BCKDHB: variants seen among roughly 807,000 people sequenced by gnomAD.
BCKDHB encodes 2-oxoisovalerate dehydrogenase subunit beta, mitochondrial.
BCKDHB carries 41 observed loss-of-function variants against 48.5 expected under a neutral mutation model. That is an observed-to-expected ratio of 0.85 (90% CI 0.66 to 1.10). BCKDHB has a LOEUF of 1.10. Among genes scored for constraint, BCKDHB ranks in the 50% least tolerant of loss-of-function variants. The pLI is 0.00. For synonymous variants in BCKDHB, 201 were observed against 174.8 expected (o/e 1.15, Z -1.18); for missense variants, 496 against 494.2 (o/e 1.00, Z -0.03).
intron 7 of BCKDHB, among the ~76,000 whole-genome samples, chr6:80,202,280 G>T (rs1288565197): frequency 6.6e-6 from 1 of 151,962 alleles, no homozygotes; most frequent in Non-Finnish European, 1.5e-5. Flanking sequence ...CCTTCTCCAG[G>T]ACTGTAGTCT....
At chr6:80,426,512 AT>A in the BCKDHB span, among the ~76,000 whole-genome samples, 1 of 152,116 alleles carries the variant, frequency 6.6e-6, no homozygotes, top group African/African-American at 2.4e-5. Flanking sequence ...AAATGTTAAT[AT>A]TATGTATTTT....
chr6:80,425,057 C>T, the BCKDHB span, among the ~76,000 whole-genome samples: 1 of 152,088 alleles, frequency 6.6e-6, no homozygotes, highest in Non-Finnish European at 1.5e-5. Context: ...AAAGACTTTT[C>T]CCAGACTGAA....
chr6:80,352,455 G>A, the BCKDHB span, among the ~76,000 whole-genome samples: 31,193 of 152,050 alleles, frequency 0.21, 3,707 homozygotes, highest in South Asian at 0.37. Flanking sequence ...CTCCATTTCT[G>A]CCACATGCAG....
At chr6:80,461,718 ATTTTCTGT>A in the BCKDHB span, among the ~76,000 whole-genome samples, 23 of 152,146 alleles carry the variant, frequency 1.5e-4, no homozygotes, top group African/African-American at 5.3e-4. Context: ...TCAATGAGCC[ATTTTCTGT>A]TTTTCCTCTG....
chr6:80,201,589 A>T (rs189070196), intron 7 of BCKDHB, among the ~76,000 whole-genome samples: 44 of 152,266 alleles, frequency 2.9e-4, no homozygotes, highest in Admixed American at 4.6e-4. Flanking sequence ...AATCTTTTTC[A>T]TCACATTTCC....
chr6:80,206,282 T>C (rs369488627), intron 8 of BCKDHB, among the ~76,000 whole-genome samples: 1 of 112,358 alleles, frequency 8.9e-6, no homozygotes. Flanking sequence ...ACTTTTACTC[T>C]ATCTGCGCAG....
At chr6:80,182,759 T>C (rs892411988) in intron 6 of BCKDHB, among the ~76,000 whole-genome samples, 2 of 152,186 alleles carry the variant, frequency 1.3e-5, no homozygotes, top group Non-Finnish European at 2.9e-5. Flanking sequence ...GTAACTTGCT[T>C]TGCAAATTAT....
intron 3 of BCKDHB, among the ~76,000 whole-genome samples, chr6:80,166,535 A>G (rs558391505): frequency 6.0e-5 from 9 of 150,754 alleles, no homozygotes; most frequent in Non-Finnish European, 1.0e-4. Flanking sequence ...GGGCGCCTAT[A>G]ATCCCAGCTA....
Position 80,171,354 on chromosome 6 carries a change from A to G in BCKDHB, c.706A>G (p.Ile236Val), listed in dbSNP as rs1582281035. 4 of 1,607,078 alleles carry G rather than the reference A, an allele frequency of 2.5e-6. 1 individual carries two copies. The highest frequency in any genetic ancestry group is 8.5e-7 in the Non-Finnish European group (1 of 1,177,202). The change falls in exon 6 of 10, where the codon ATA becomes GTA. Residue 236 changes from isoleucine (I) to valine (V), a missense_variant. Physicochemically the swap from Ile to Val is conservative, Grantham distance 29. Transcript: ENST00000320393. ...ATGCATAGAGGATAAAAATCCTTGT[A>G]TATTTTTTGAACCTAAAATACTTTA... ...LSCIEDKNPC[I>V]FFEPKILYRA...
chr6:80,447,614 C>T, the BCKDHB span, among the ~76,000 whole-genome samples: 1 of 152,136 alleles, frequency 6.6e-6, no homozygotes, highest in African/African-American at 2.4e-5. Context: ...TCCTGCCTAA[C>T]CCTTTTGTCC....
chr6:80,362,998 A>G, the BCKDHB span, among the ~76,000 whole-genome samples: 63 of 152,272 alleles, frequency 4.1e-4, 2 homozygotes, highest in East Asian at 0.012. Flanking sequence ...TTGTCATACT[A>G]CAATTTTCCA....
At chr6:80,145,012 A>G (rs1771410993) in intron 3 of BCKDHB, among the ~76,000 whole-genome samples, 1 of 152,154 alleles carries the variant, frequency 6.6e-6, no homozygotes, top group East Asian at 1.9e-4. Flanking sequence ...TCTTTCTGAG[A>G]GTTGTACGTA....
chr6:80,176,131 T>A (rs1395072915), intron 6 of BCKDHB, among the ~76,000 whole-genome samples: 2 of 152,186 alleles, frequency 1.3e-5, no homozygotes. Context: ...GTTAGAAATT[T>A]TTTTAGATTA....
At chr6:80,228,042 T>C (rs747572425) in intron 8 of BCKDHB, among the ~76,000 whole-genome samples, 76 of 152,162 alleles carry the variant, frequency 5.0e-4, no homozygotes, top group Admixed American at 1.5e-3. Context: ...AAATAACTTA[T>C]AATAAATAAA....
At chr6:80,114,101 C>T (rs1043982206) in intron 1 of BCKDHB, among the ~76,000 whole-genome samples, 3 of 152,018 alleles carry the variant, frequency 2.0e-5, no homozygotes, top group Admixed American at 2.0e-4. Context: ...GTTACTTGGG[C>T]ATGGGAAGTT....
chr6:80,119,076 G>A (rs751856800), intron 1 of BCKDHB, among the ~76,000 whole-genome samples: 1 of 152,158 alleles, frequency 6.6e-6, no homozygotes, highest in East Asian at 1.9e-4. Flanking sequence ...GATCATCTGA[G>A]CTAAGGAGTT....
At position 80,106,747 on chromosome 6, in the gene BCKDHB, G is replaced by T; in HGVS notation, c.54G>T (p.Gly18=). 1 of 1,570,130 alleles carries T rather than the reference G, an allele frequency of 6.4e-7. No homozygotes were observed. The highest frequency in any genetic ancestry group is 8.6e-7 in the Non-Finnish European group (1 of 1,158,774). The change falls in exon 1 of 10, where the codon GGG becomes GGT. Residue 18 remains glycine, a synonymous_variant. Coordinates refer to ENST00000320393, the MANE Select transcript of BCKDHB (RefSeq NM_183050.4). ...AGWLLRLRAA[G]AEGHWRRLPG... is the part of the protein sequence containing the mutation. The stretch of plus-strand genomic sequence containing the variant: ...GGCTACTCAGGCTCAGGGCGGCAGG[G>T]GCTGAGGGGCACTGGCGTCGGCTTC...
intron 8 of BCKDHB, among the ~76,000 whole-genome samples, chr6:80,257,815 A>AG (rs1366272077): frequency 6.6e-6 from 1 of 152,098 alleles, no homozygotes; most frequent in Non-Finnish European, 1.5e-5. Flanking sequence ...TTGGAGAGGA[A>AG]GGATATATCC....
chr6:80,193,583 G>T (rs942322856), intron 6 of BCKDHB, among the ~76,000 whole-genome samples: 1 of 152,044 alleles, frequency 6.6e-6, no homozygotes, highest in African/African-American at 2.4e-5. Context: ...AGCTGGGTGT[G>T]GTGGCGGGCA....
Sources: gnomAD v4.1 joint callset for allele counts (sites outside exome capture counted in the v4.1 genomes callset) on GRCh38, gnomAD v4.1.1 for gene constraint, MANE v1.5 for transcripts, NCBI Gene and HGNC (gene_info 2026-07-23, HGNC 2026-07-21) for gene names.